COL14A1: variants seen among roughly 807,000 people sequenced by gnomAD.
The protein encoded by COL14A1 is collagen type XIV alpha 1 chain.
A neutral mutation model predicts 230.3 loss-of-function variants in COL14A1; 136 were observed. The observed-to-expected ratio is 0.59, with a 90% CI of 0.51 to 0.68. The LOEUF (loss-of-function observed/expected upper bound fraction) is 0.68, where lower values mean the gene tolerates loss of function less well. Among genes scored for constraint, COL14A1 ranks in the 30% least tolerant of loss-of-function variants. COL14A1 has a pLI of 0.00. For synonymous variants in COL14A1, 792 were observed against 784.1 expected (o/e 1.01, Z -0.17); for missense variants, 1,976 against 2,215.8 (o/e 0.89, Z 2.17).
At position 120,270,060 on chromosome 8, in the gene COL14A1, G is replaced by C; in HGVS notation, c.3099G>C (p.Leu1033=). The C allele has an allele frequency of 6.2e-7, 1 of 1,611,288 alleles. No individual in the cohort carries two copies. Among genetic ancestry groups the C allele is most frequent in the Non-Finnish European group, 8.5e-7 (1 of 1,178,218 alleles). ...KEVCKAAKAD[L]VFMVDGSWSI... The stretch of plus-strand genomic sequence containing the variant: ...TATGTAAGGCGGCCAAGGCTGACCT[G>C]GTATTTATGGTGGATGGATCCTGGA... The change falls in exon 26 of 48, where the codon CTG becomes CTC. Residue 1033 remains leucine (L), a synonymous_variant. Transcript: ENST00000297848.
intron 40 of COL14A1, among the ~76,000 whole-genome samples, chr8:120,326,799 G>A (rs745417212): frequency 2.3e-4 from 35 of 152,290 alleles, no homozygotes; most frequent in African/African-American, 7.9e-4. Context: ...GCTGAGGCAG[G>A]TGGATTACTT....
At chr8:120,347,158 C>T (rs1822548419) in intron 45 of COL14A1, among the ~76,000 whole-genome samples, 1 of 152,134 alleles carries the variant, frequency 6.6e-6, no homozygotes, top group South Asian at 2.1e-4. Context: ...GTCTTAGCCC[C>T]GTTCTTGCCA....
intron 40 of COL14A1, among the ~76,000 whole-genome samples, chr8:120,317,780 C>T (rs114226075): frequency 0.014 from 2,105 of 152,268 alleles, 26 homozygotes; most frequent in Middle Eastern, 0.037. Context: ...ATTTTGCTAT[C>T]CCTCCAAATG....
chr8:120,161,713 A>C (rs1028188707), intron 3 of COL14A1, among the ~76,000 whole-genome samples: 1 of 152,118 alleles, frequency 6.6e-6, no homozygotes, highest in Non-Finnish European at 1.5e-5. Context: ...CCCAGGCTGG[A>C]GTGCAGTGGC....
intron 4 of COL14A1, among the ~76,000 whole-genome samples, chr8:120,165,841 C>T (rs962925779): frequency 1.3e-5 from 2 of 152,140 alleles, no homozygotes; most frequent in African/African-American, 4.8e-5. Context: ...GCCTGGAGGC[C>T]ACACCCATGG....
At chr8:120,173,698 T>C (rs895901750) in intron 5 of COL14A1, among the ~76,000 whole-genome samples, 2 of 131,452 alleles carry the variant, frequency 1.5e-5, no homozygotes, top group African/African-American at 2.7e-5. Flanking sequence ...ATCTATCTAT[T>C]TTACTGCATC....
rs1820021676 is a variant in COL14A1 at position 120,281,036 on chromosome 8, T to C, written c.3801T>C (p.Asp1267=). The stretch of plus-strand genomic sequence containing the variant: ...TTCCATGTTACCAACTCCATAAAGA[T>C]GCCCTGGTTTCCCAGCCAACCAGGT... ...NVFPCYQLHK[D]ALVSQPTRYL... is the part of the protein sequence containing the mutation. Residue 1267 remains aspartate (D), a synonymous_variant, in exon 31 of 48, where the codon GAT becomes GAC. Coordinates refer to ENST00000297848, the MANE Select transcript of COL14A1 (RefSeq NM_021110.4). The C allele has an allele frequency of 6.2e-7, 1 of 1,610,730 alleles. No individual in the cohort carries two copies. The highest frequency in any genetic ancestry group is 1.1e-5 in the South Asian group (1 of 90,402).
At chr8:120,177,652 C>CAA (rs60652647) in intron 5 of COL14A1, among the ~76,000 whole-genome samples, 16,371 of 82,808 alleles carry the variant, frequency 0.2, 1,752 homozygotes, top group South Asian at 0.23. Context: ...TTGCCTGCTT[C>CAA]AAAAAAAAAA....
chr8:120,319,858 A>C (rs1413615145), intron 40 of COL14A1, among the ~76,000 whole-genome samples: 1 of 152,224 alleles, frequency 6.6e-6, no homozygotes, highest in Admixed American at 6.5e-5. Context: ...GTGCAAGTTC[A>C]TATTTCACAG....
At chr8:120,259,301 C>T (rs980351057) in intron 23 of COL14A1, among the ~76,000 whole-genome samples, 1 of 152,084 alleles carries the variant, frequency 6.6e-6, no homozygotes, top group South Asian at 2.1e-4. Flanking sequence ...ATAAGTCAAG[C>T]TGGTGGCGTT....
intron 26 of COL14A1, among the ~76,000 whole-genome samples, chr8:120,271,137 A>G (rs1486817207): frequency 6.6e-6 from 1 of 151,724 alleles, no homozygotes; most frequent in Admixed American, 6.6e-5. Context: ...AAAACCAAAT[A>G]CTGCATGTTC....
In COL14A1 at chr8:120,371,410, T is replaced by A. The variant is rs2130411930; in HGVS notation, c.*179T>A. 1 of 389,438 alleles carries A rather than the reference T, an allele frequency of 2.6e-6. No homozygotes were observed. The highest frequency in any genetic ancestry group is 6.4e-4 in the Middle Eastern group (1 of 1,570). The allele number at this position is 389,438 out of a possible 1,614,324, so 24.1% of individuals were successfully genotyped here. ...ATTATTAACAAAAAATATATATTTT[T>A]AAAAAGTTCCCTTAATCTATGACAT... is the stretch of plus-strand genomic sequence containing the variant. On this transcript the variant is annotated 3_prime_UTR_variant, in exon 48 of 48. Coordinates refer to ENST00000297848, the MANE Select transcript of COL14A1 (RefSeq NM_021110.4).
At chr8:120,319,096 T>G (rs1821343236) in intron 40 of COL14A1, among the ~76,000 whole-genome samples, 1 of 152,156 alleles carries the variant, frequency 6.6e-6, no homozygotes, top group Non-Finnish European at 1.5e-5. Flanking sequence ...AGTGGTGGGC[T>G]ATTCCTTACT....
In COL14A1 at chr8:120,270,032, C is replaced by T. The variant is rs1408680450; in HGVS notation, c.3074-3C>T. On this transcript the variant is annotated splice_polypyrimidine_tract_variant and splice_region_variant and intron_variant, in intron 25 of 47. Transcript: ENST00000297848. ...TGACTCAAAATTCATTGTTGGTCTT[C>T]AGTATGTAAGGCGGCCAAGGCTGAC... 6.2e-7 allele frequency: 1 copy of T among 1,610,356 alleles called. No homozygotes were observed. The highest frequency in any genetic ancestry group is 1.1e-5 in the South Asian group (1 of 90,718).
chr8:120,294,576 A>G (rs1820468057), intron 34 of COL14A1, among the ~76,000 whole-genome samples: 1 of 80,002 alleles, frequency 1.2e-5, no homozygotes, highest in African/African-American at 5.1e-5. Flanking sequence ...TTGCATTTTA[A>G]GGTACTCAAA....
chr8:120,266,929 G>C, intron 25 of COL14A1, 46 bp downstream of exon 25: 1 of 1,534,022 alleles, frequency 6.5e-7, no homozygotes, highest in African/African-American at 1.4e-5. Flanking sequence ...TTTAGGATTT[G>C]TGTTGGTTTT....
chr8:120,225,002 C>A, intron 14 of COL14A1, 86 bp from the exon 15 acceptor site: 3 of 1,305,030 alleles, frequency 2.3e-6, no homozygotes, highest in Admixed American at 2.3e-5. Flanking sequence ...GCTTTGCTGT[C>A]AGCTAAGCGA....
chr8:120,309,420 A>G (rs930781298), intron 36 of COL14A1, among the ~76,000 whole-genome samples: 1 of 152,186 alleles, frequency 6.6e-6, no homozygotes, highest in Admixed American at 6.5e-5. Flanking sequence ...ACATATATAC[A>G]GGGAATATAT....
At chr8:120,326,383 A>C (rs1481606679) in intron 40 of COL14A1, among the ~76,000 whole-genome samples, 1 of 152,204 alleles carries the variant, frequency 6.6e-6, no homozygotes, top group African/African-American at 2.4e-5. Flanking sequence ...CTCTTAGAAG[A>C]GTGACTGTCT....
Sources: gnomAD v4.1 joint callset for allele counts (sites outside exome capture counted in the v4.1 genomes callset) on GRCh38, gnomAD v4.1.1 for gene constraint, MANE v1.5 for transcripts, NCBI Gene and HGNC (gene_info 2026-07-23, HGNC 2026-07-21) for gene names.